RGS6: variants seen among roughly 807,000 people sequenced by gnomAD.
RGS6 encodes regulator of G-protein signaling 6.
In RGS6, 30 loss-of-function variants were observed where a neutral mutation model predicts 78.5. That is an observed-to-expected ratio of 0.38 (90% CI 0.29 to 0.52). The LOEUF is 0.52. Among genes scored for constraint, RGS6 ranks in the 20% least tolerant of loss-of-function variants. RGS6 has a pLI of 0.85. For synonymous variants in RGS6, 206 were observed against 206.0 expected, an observed-to-expected ratio of 1.00 and a Z score of 0.00; for missense variants, 495 against 609.7, an observed-to-expected ratio of 0.81 and a Z score of 1.98.
intron 2 of RGS6, among the ~76,000 whole-genome samples, chr14:72,067,434 C>T (rs1201507258): frequency 6.6e-6 from 1 of 152,146 alleles, no homozygotes; most frequent in Non-Finnish European, 1.5e-5. Context: ...ACCTATGTAA[C>T]AAACCTGCAC....
intron 2 of RGS6, among the ~76,000 whole-genome samples, chr14:72,174,258 C>A (rs376355599): frequency 6.6e-6 from 1 of 152,236 alleles, no homozygotes; most frequent in East Asian, 1.9e-4. Context: ...CAGGCATAGG[C>A]CACCATGCCC....
intron 15 of RGS6, among the ~76,000 whole-genome samples, chr14:72,524,670 C>G (rs1016769361): frequency 2.0e-5 from 3 of 152,180 alleles, no homozygotes; most frequent in Admixed American, 1.3e-4. Context: ...AAACCTTGAC[C>G]CGTGCGGCAT....
At chr14:72,425,322 A>G (rs2094389232) in intron 3 of RGS6, among the ~76,000 whole-genome samples, 1 of 152,128 alleles carries the variant, frequency 6.6e-6, no homozygotes, top group South Asian at 2.1e-4. Flanking sequence ...TAATTTTAGT[A>G]GAGACGGGGT....
intron 2 of RGS6, among the ~76,000 whole-genome samples, chr14:72,298,740 G>A (rs1260973689): frequency 2.0e-5 from 3 of 152,190 alleles, no homozygotes; most frequent in African/African-American, 7.2e-5. Flanking sequence ...GAGCCACTGT[G>A]CCTGGCCCTA....
chr14:72,044,872 CA>C (rs1227095030), intron 2 of RGS6, among the ~76,000 whole-genome samples: 2 of 21,142 alleles, frequency 9.5e-5, no homozygotes, highest in African/African-American at 5.7e-4. Context: ...GACTCCGTCT[CA>C]AAAAACAAAA....
At chr14:72,016,569 G>C (rs2087030279) in intron 2 of RGS6, among the ~76,000 whole-genome samples, 1 of 152,108 alleles carries the variant, frequency 6.6e-6, no homozygotes, top group Admixed American at 6.5e-5. Flanking sequence ...GTTTCACCGT[G>C]TTAGCCAGGA....
chr14:72,249,804 G>A (rs1039369595), intron 2 of RGS6, among the ~76,000 whole-genome samples: 5 of 152,030 alleles, frequency 3.3e-5, no homozygotes, highest in East Asian at 3.9e-4. Context: ...TGTTTATTGC[G>A]GCATTATTCA....
intron 2 of RGS6, among the ~76,000 whole-genome samples, chr14:72,295,833 A>G (rs905115899): frequency 9.9e-5 from 15 of 152,258 alleles, no homozygotes; most frequent in African/African-American, 3.6e-4. Context: ...TCAGCTGTGC[A>G]TTTAAAGATC....
intron 3 of RGS6, among the ~76,000 whole-genome samples, chr14:72,411,625 G>C (rs1282577199): frequency 1.3e-5 from 2 of 152,146 alleles, no homozygotes; most frequent in East Asian, 3.8e-4. Context: ...TGGTGAGAGA[G>C]GGCATCCCTG....
chr14:72,502,548 G>A (rs189309807), intron 13 of RGS6, among the ~76,000 whole-genome samples: 10 of 152,310 alleles, frequency 6.6e-5, no homozygotes, highest in Admixed American at 5.9e-4. Flanking sequence ...AGCGGATCAC[G>A]AGGTCAGGAG....
intron 3 of RGS6, among the ~76,000 whole-genome samples, chr14:72,438,113 T>C (rs1375672845): frequency 1.3e-5 from 2 of 152,094 alleles, no homozygotes; most frequent in Non-Finnish European, 1.5e-5. Context: ...AGGGTTCAGC[T>C]GTTGGAGCTC....
chr14:72,307,786 A>G (rs924555399), intron 2 of RGS6, among the ~76,000 whole-genome samples: 2 of 152,202 alleles, frequency 1.3e-5, no homozygotes, highest in Non-Finnish European at 2.9e-5. Flanking sequence ...TGGATTCTTG[A>G]AAATTCATAT....
At chr14:72,412,878 T>G (rs1566778000) in intron 3 of RGS6, among the ~76,000 whole-genome samples, 3 of 152,066 alleles carry the variant, frequency 2.0e-5, no homozygotes, top group African/African-American at 2.4e-5. Context: ...TTGAGCAGTT[T>G]TGAGTGAGTT....
At chr14:72,451,397 G>A (rs916786207) in intron 3 of RGS6, among the ~76,000 whole-genome samples, 29 of 152,150 alleles carry the variant, frequency 1.9e-4, no homozygotes, top group Non-Finnish European at 1.8e-4. Context: ...TGCAAACCAC[G>A]GCCTGGTGGA....
At chr14:72,076,268 T>A (rs1050663080) in intron 2 of RGS6, among the ~76,000 whole-genome samples, 1 of 152,236 alleles carries the variant, frequency 6.6e-6, no homozygotes, top group Non-Finnish European at 1.5e-5. Context: ...TGTTCTTGGC[T>A]TTTTCACTCT....
intron 2 of RGS6, among the ~76,000 whole-genome samples, chr14:72,160,117 A>G (rs994460514): frequency 2.0e-5 from 3 of 152,208 alleles, no homozygotes; most frequent in African/African-American, 7.2e-5. Flanking sequence ...TAGGTGCCCA[A>G]TAAATAGTAA....
intron 2 of RGS6, among the ~76,000 whole-genome samples, chr14:72,224,670 T>C (rs1431451209): frequency 2.0e-5 from 3 of 152,170 alleles, no homozygotes; most frequent in African/African-American, 7.2e-5. Flanking sequence ...CTGTACACTT[T>C]GTGAATCTGA....
At chr14:72,130,798 A>G (rs2096297411) in intron 2 of RGS6, among the ~76,000 whole-genome samples, 1 of 152,234 alleles carries the variant, frequency 6.6e-6, no homozygotes, top group African/African-American at 2.4e-5. Context: ...CCCCTAGAGC[A>G]GGTTTCTGGA....
chr14:72,276,104 G>A lies in RGS6; in HGVS notation c.85-75991G>A, dbSNP rs192154005. 3.3e-5 allele frequency among the ~76,000 whole-genome samples: 5 copies of A among 152,232 alleles called. No homozygotes were observed. In the East Asian group the frequency reaches 7.7e-4, roughly 24 times the overall value. On this transcript the variant is annotated intron_variant, in intron 2 of 17. Transcript: ENST00000553525. ...ACATGTCTGCCCATAAATAAACATG[G>A]ACTGTTCATTGAAACTTGCATTTTT...
Sources: allele counts gnomAD v4.1 joint callset (sites outside exome capture counted in the v4.1 genomes callset), GRCh38; gene constraint gnomAD v4.1.1; transcripts MANE v1.5; gene names NCBI Gene and HGNC (gene_info 2026-07-23, HGNC 2026-07-21).